ALDH1A2: variants seen among roughly 807,000 people sequenced by gnomAD.
ALDH1A2 encodes the protein retinal dehydrogenase 2.
ALDH1A2 carries 27 observed loss-of-function variants against 60.3 expected under a neutral mutation model. The observed-to-expected ratio is 0.45, with a 90% confidence interval of 0.33 to 0.62. ALDH1A2 has a LOEUF of 0.62. ALDH1A2 is among the 20% of genes least tolerant of loss of function. The pLI is 0.02. For missense variants in ALDH1A2, 581 were observed against 643.8 expected (o/e 0.90, Z 1.06); for synonymous variants, 289 against 232.4 (o/e 1.24, Z -2.21).
intron 7 of ALDH1A2, among the ~76,000 whole-genome samples, chr15:57,987,135 T>C (rs1344235335): frequency 1.3e-5 from 2 of 151,984 alleles, no homozygotes; most frequent in African/African-American, 2.4e-5. Flanking sequence ...GAAAGTTACC[T>C]AGCCGGAAGC....
At chr15:58,046,177 AG>A (rs1282018642) in intron 1 of ALDH1A2, among the ~76,000 whole-genome samples, 2 of 152,070 alleles carry the variant, frequency 1.3e-5, no homozygotes, top group Non-Finnish European at 2.9e-5. Context: ...TCTCCAAGGA[AG>A]GTAGTCTGAC....
At chr15:58,018,494 A>C (rs1264832894) in intron 1 of ALDH1A2, among the ~76,000 whole-genome samples, 1 of 152,148 alleles carries the variant, frequency 6.6e-6, no homozygotes, top group African/African-American at 2.4e-5. Context: ...AGATAGTAAA[A>C]TTGGTGGGCA....
chr15:58,032,067 G>A (rs539385843), intron 1 of ALDH1A2, among the ~76,000 whole-genome samples: 11 of 152,172 alleles, frequency 7.2e-5, no homozygotes, highest in Middle Eastern at 3.4e-3. Context: ...TATGTTTATC[G>A]CGGCACTATT....
At chr15:58,063,818 T>C (rs909368234) in intron 1 of ALDH1A2, among the ~76,000 whole-genome samples, 1 of 152,100 alleles carries the variant, frequency 6.6e-6, no homozygotes, top group Admixed American at 6.5e-5. Context: ...TTGTATTAAG[T>C]GGGAAAGTGG....
intron 1 of ALDH1A2, among the ~76,000 whole-genome samples, chr15:58,062,906 T>C (rs1001280441): frequency 6.6e-6 from 1 of 152,226 alleles, no homozygotes; most frequent in Admixed American, 6.5e-5. Context: ...AGTTTAGCCC[T>C]TTCAACATCC....
chr15:58,065,166 G>C, intron 1 of ALDH1A2: 1 of 298,430 alleles, frequency 3.4e-6, no homozygotes, highest in South Asian at 2.8e-5. Context: ...GCGTGGCCAA[G>C]CTGACGGGGA....
chr15:57,960,637 G>C (rs1033278085), intron 12 of ALDH1A2, 133 bp downstream of exon 12: 2 of 758,814 alleles, frequency 2.6e-6, no homozygotes, highest in East Asian at 5.5e-5. Flanking sequence ...TTAGCTTATA[G>C]TAGCATGTGC....
At chr15:57,955,908 A>C (rs1171633765) in intron 12 of ALDH1A2, among the ~76,000 whole-genome samples, 1 of 151,872 alleles carries the variant, frequency 6.6e-6, no homozygotes, top group Non-Finnish European at 1.5e-5. Context: ...AATCTATTTC[A>C]TTATAAAATC....
At position 58,020,858 on chromosome 15, in the gene ALDH1A2, T is replaced by C. The variant is rs1040019661; in HGVS notation, c.118-6577A>G. Among the ~76,000 whole-genome samples the C allele has an allele frequency of 7.7e-4, 117 of 152,318 alleles. 1 individual carries two copies. Among genetic ancestry groups the C allele is most frequent in the African/African-American group, 2.7e-3 (111 of 41,580 alleles). ...GAGAAAGCCATGCTGAAATTTCCCA[T>C]GGTGGTGGATTTATCAACATATTCC... is the stretch of plus-strand genomic sequence containing the variant. On this transcript the variant is annotated intron_variant, in intron 1 of 12. Coordinates refer to ENST00000249750, the MANE Select transcript of ALDH1A2 (RefSeq NM_003888.4).
At chr15:58,050,533 CCAT>C (rs1896747806) in intron 1 of ALDH1A2, among the ~76,000 whole-genome samples, 1 of 152,146 alleles carries the variant, frequency 6.6e-6, no homozygotes, top group South Asian at 2.1e-4. Flanking sequence ...GACAATCCCA[CCAT>C]GTTTTCATGG....
chr15:58,058,111 A>G (rs1896941158), intron 1 of ALDH1A2: 2 of 1,513,578 alleles, frequency 1.3e-6, no homozygotes, highest in Admixed American at 2.0e-5. Flanking sequence ...TTTCACACCT[A>G]GAGAAATAAG....
intron 1 of ALDH1A2, among the ~76,000 whole-genome samples, chr15:58,030,831 G>C (rs1896217955): frequency 6.6e-6 from 1 of 152,110 alleles, no homozygotes. Context: ...CAAGGGATGT[G>C]AAGGACCTCT....
intron 7 of ALDH1A2, among the ~76,000 whole-genome samples, chr15:57,966,686 TACCCTTTCAGCCCAGC>T (rs1893906781): frequency 6.6e-6 from 1 of 152,198 alleles, no homozygotes; most frequent in South Asian, 2.1e-4. Context: ...ATAAAGGTCC[TACCCTTTCAGCCCAGC>T]ACAGGACTGG....
At position 58,002,828 on chromosome 15, in the gene ALDH1A2, T is replaced by TA. The variant is rs1202960333; in HGVS notation, c.494-7690dup. Among the ~76,000 whole-genome samples the TA allele has an allele frequency of 5.9e-5, 9 of 151,870 alleles. No homozygotes were observed. The East Asian group carries it at 9.7e-4, about 16-fold the overall frequency. ...GGCAATTCTTTGATGACCACAGTAT[T>TA]AAAAAATGAGATGATTACATTGAAC... On this transcript the variant is annotated intron_variant, in intron 4 of 12. Coordinates refer to ENST00000249750, the MANE Select transcript of ALDH1A2 (RefSeq NM_003888.4).
At chr15:58,028,096 C>T (rs1021515148) in intron 1 of ALDH1A2, among the ~76,000 whole-genome samples, 15 of 151,984 alleles carry the variant, frequency 9.9e-5, no homozygotes, top group African/African-American at 3.1e-4. Context: ...ACACATAAAT[C>T]GCCAGATTCA....
intron 4 of ALDH1A2, among the ~76,000 whole-genome samples, 164 bp downstream of exon 4, chr15:58,010,485 T>C (rs749027574): frequency 5.3e-5 from 8 of 152,172 alleles, no homozygotes; most frequent in Non-Finnish European, 1.2e-4. Context: ...AAAAGGGATG[T>C]TGTCAGAGTC....
At chr15:57,964,659 T>A (rs1244347849) in intron 8 of ALDH1A2, 1 of 153,396 alleles carries the variant, frequency 6.5e-6, no homozygotes, top group African/African-American at 2.4e-5. Context: ...TGGGTCTTCT[T>A]TGAAGACACT....
At chr15:57,980,647 G>T (rs1036059011) in intron 7 of ALDH1A2, 13 of 195,142 alleles carry the variant, frequency 6.7e-5, no homozygotes, top group Non-Finnish European at 1.3e-4. Context: ...TGGAACTCAT[G>T]GCTGGCAGGC....
In ALDH1A2 at chr15:57,989,506, C is replaced by G. The variant is rs1269054834; in HGVS notation, c.798+3199G>C. ...GGGTATGTTGCCTATATTATAGTAA[C>G]ACATCTTATAAAACCTAGTAATTAA... On this transcript the variant is annotated intron_variant, in intron 7 of 12. Coordinates refer to ENST00000249750, the MANE Select transcript of ALDH1A2 (RefSeq NM_003888.4). Among the ~76,000 whole-genome samples, 3 of 152,230 alleles carry G rather than the reference C, an allele frequency of 2.0e-5. No individual in the cohort carries two copies. The East Asian group carries it at 5.8e-4, about 29-fold the overall frequency.
Sources: allele counts gnomAD v4.1 joint callset (sites outside exome capture counted in the v4.1 genomes callset), GRCh38; gene constraint gnomAD v4.1.1; transcripts MANE v1.5; gene names NCBI Gene and HGNC (gene_info 2026-07-23, HGNC 2026-07-21).